OTOGL: variants seen among roughly 807,000 people sequenced by gnomAD.
OTOGL encodes otogelin-like protein.
A neutral mutation model predicts 318.5 loss-of-function variants in OTOGL; 285 were observed. The ratio of observed to expected loss-of-function variants is 0.89; its 90% CI spans 0.81 to 0.99. OTOGL has a LOEUF of 0.99. OTOGL is among the 50% of genes least tolerant of loss of function. The probability of loss-of-function intolerance (pLI) is 0.00; values close to 1 mark genes in which losing one functional copy is unlikely to be tolerated. For missense variants in OTOGL, 2,899 were observed against 2,845.6 expected (o/e 1.02, Z -0.43); for synonymous variants, 987 against 936.5 (o/e 1.05, Z -0.99).
chr12:80,215,799 T>G (rs1406315867), intron 4 of OTOGL, among the ~76,000 whole-genome samples: 5 of 152,146 alleles, frequency 3.3e-5, no homozygotes, highest in African/African-American at 4.8e-5. Flanking sequence ...CCAGAAGCAA[T>G]GTGGCTGAAG....
At chr12:80,199,020 T>G (rs960049111) in intron 1 of OTOGL, among the ~76,000 whole-genome samples, 8 of 152,246 alleles carry the variant, frequency 5.3e-5, no homozygotes, top group African/African-American at 1.9e-4. Flanking sequence ...AATATATTTG[T>G]ATATGTGTAC....
intron 35 of OTOGL, among the ~76,000 whole-genome samples, 194 bp downstream of exon 35, chr12:80,324,034 TG>T (rs1555297489): frequency 2.0e-5 from 3 of 152,258 alleles, no homozygotes; most frequent in Non-Finnish European, 4.4e-5. Context: ...TTCTTGCTGC[TG>T]GGGAGACAGT....
intron 28 of OTOGL, among the ~76,000 whole-genome samples, chr12:80,303,897 A>G (rs757520060): frequency 2.6e-5 from 4 of 152,198 alleles, no homozygotes; most frequent in Non-Finnish European, 5.9e-5. Context: ...CATGTTATGC[A>G]TGGAGCCTTG....
chr12:80,135,499 C>T (rs999086128), intron 1 of OTOGL, among the ~76,000 whole-genome samples: 2 of 152,032 alleles, frequency 1.3e-5, no homozygotes, highest in Non-Finnish European at 2.9e-5. Flanking sequence ...TCTCGAACTC[C>T]TGCCCTCAGG....
chr12:80,204,633 G>A (rs973037121), intron 1 of OTOGL, among the ~76,000 whole-genome samples: 1 of 151,972 alleles, frequency 6.6e-6, no homozygotes, highest in South Asian at 2.1e-4. Context: ...TAATAATATG[G>A]CAGATTACAT....
At chr12:80,363,070 G>A (rs1890328960) in intron 52 of OTOGL, among the ~76,000 whole-genome samples, 1 of 152,116 alleles carries the variant, frequency 6.6e-6, no homozygotes, top group Admixed American at 6.6e-5. Flanking sequence ...TCCCGCCTTG[G>A]CCTCCCAAAG....
chr12:80,173,172 CTT>C (rs201331492), intron 1 of OTOGL, among the ~76,000 whole-genome samples: 6 of 145,820 alleles, frequency 4.1e-5, no homozygotes, highest in African/African-American at 9.9e-5. Context: ...ATTCATATGC[CTT>C]TTTTTTTTTT....
In OTOGL at chr12:80,336,309, G is replaced by A. The variant is rs1888396496; in HGVS notation, c.4601-104G>A. 4.4e-6 allele frequency: 6 copies of A among 1,352,856 alleles called. No individual in the cohort carries two copies. The East Asian group carries it at 1.5e-4, about 34-fold the overall frequency. 83.8% of individuals were successfully genotyped at this position (1,352,856 alleles called of 1,614,324 possible). A position where few individuals can be genotyped will look rare whatever the true frequency, so the allele number is the denominator to read the frequency against. On this transcript the variant is annotated intron_variant, in intron 39 of 58. Transcript: ENST00000547103. ...TATATAACTTTTAGAGTTGCTTCTTGTCAGACATAATAAGGCTAATTTAAC... is the reference window on the plus strand; with the variant it reads ...TATATAACTTTTAGAGTTGCTTCTTATCAGACATAATAAGGCTAATTTAAC...
rs1271938833 is a variant in OTOGL, at chr12:80,307,430, C to T, written c.3333+1735C>T. Among the ~76,000 whole-genome samples, 7 of 148,404 alleles carry T rather than the reference C, an allele frequency of 4.7e-5. No homozygotes were observed. The East Asian group carries it at 6.1e-4, about 13-fold the overall frequency. ...CTCCCGGACGGGGCGGCTGGCCAGACGGGGGGCTGACCCCCCCCACCTCCC... is the reference window on the plus strand; with the variant it reads ...CTCCCGGACGGGGCGGCTGGCCAGATGGGGGGCTGACCCCCCCCACCTCCC... On this transcript the variant is annotated intron_variant, in intron 29 of 58. Coordinates refer to ENST00000547103, the MANE Select transcript of OTOGL (RefSeq NM_001378609.3).
rs751676028 is a variant in OTOGL, at chr12:80,342,174, G to A, written c.5265+12G>A. 5.6e-5 allele frequency: 86 copies of A among 1,527,180 alleles called. No individual in the cohort carries two copies. The highest frequency in any genetic ancestry group is 3.4e-4 in the Middle Eastern group (2 of 5,912). 94.6% of individuals were successfully genotyped at this position (1,527,180 alleles called of 1,614,324 possible). A position where few individuals can be genotyped will look rare whatever the true frequency, so the allele number is the denominator to read the frequency against. ...CATGTCATGATAAAGTAAGTTGGAAGCAACCATAAATAATACTTTCATGTT... is the reference window on the plus strand; with the variant it reads ...CATGTCATGATAAAGTAAGTTGGAAACAACCATAAATAATACTTTCATGTT... On this transcript the variant is annotated intron_variant, in intron 44 of 58. Transcript: ENST00000547103.
chr12:80,139,186 T>G (rs1871766919), intron 1 of OTOGL, among the ~76,000 whole-genome samples: 1 of 152,304 alleles, frequency 6.6e-6, no homozygotes, highest in East Asian at 1.9e-4. Context: ...GGCAGCTCCT[T>G]GATCATGGCG....
At chr12:80,298,667 G>C (rs1885571183) in intron 27 of OTOGL, among the ~76,000 whole-genome samples, 1 of 152,140 alleles carries the variant, frequency 6.6e-6, no homozygotes, top group Admixed American at 6.5e-5. Context: ...CAGTAGAGCA[G>C]AGCTGAGAGA....
chr12:80,146,293 T>C (rs1235394855), intron 1 of OTOGL, among the ~76,000 whole-genome samples: 3 of 146,946 alleles, frequency 2.0e-5, no homozygotes, highest in Admixed American at 2.0e-4. Flanking sequence ...GTCAAAGGCT[T>C]TTTCTGCATC....
At chr12:80,294,427 C>G (rs1181190870) in intron 26 of OTOGL, among the ~76,000 whole-genome samples, 1 of 152,070 alleles carries the variant, frequency 6.6e-6, no homozygotes, top group Admixed American at 6.6e-5. Flanking sequence ...TAACTTTTCC[C>G]AAGATGAAGA....
At chr12:80,251,620 G>T in intron 11 of OTOGL, 73 bp from the exon 12 acceptor site, 1 of 1,174,064 alleles carries the variant, frequency 8.5e-7, no homozygotes, top group Non-Finnish European at 1.2e-6. Context: ...CATTTCTAGG[G>T]ATCAGGACCT....
chr12:80,295,113 C>T (rs1382234062), intron 26 of OTOGL, among the ~76,000 whole-genome samples: 1 of 149,414 alleles, frequency 6.7e-6, no homozygotes, highest in Non-Finnish European at 1.5e-5. Context: ...ACAACAACAA[C>T]ACCACCACCA....
intron 34 of OTOGL, among the ~76,000 whole-genome samples, chr12:80,321,160 C>A (rs1301010384): frequency 1.3e-5 from 2 of 152,166 alleles, no homozygotes; most frequent in Non-Finnish European, 2.9e-5. Context: ...TTTCCATTGA[C>A]CTCTAGAAGA....
intron 1 of OTOGL, among the ~76,000 whole-genome samples, chr12:80,108,892 G>A (rs959084525): frequency 5.2e-5 from 7 of 133,472 alleles, no homozygotes; most frequent in African/African-American, 2.1e-4. Context: ...GTATATATAT[G>A]TGTATATATA....
chr12:80,276,699 AT>A (rs1157508001), intron 24 of OTOGL, among the ~76,000 whole-genome samples: 2 of 151,668 alleles, frequency 1.3e-5, no homozygotes, highest in African/African-American at 4.8e-5. Context: ...AGACTGTAGA[AT>A]CGAGGTCATT....
Sources: gnomAD v4.1 joint callset for allele counts (sites outside exome capture counted in the v4.1 genomes callset) on GRCh38, gnomAD v4.1.1 for gene constraint, MANE v1.5 for transcripts, NCBI Gene and HGNC (gene_info 2026-07-23, HGNC 2026-07-21) for gene names.